Variants in ANKS3 observed in about 807,000 individuals in gnomAD.
ANKS3 encodes ankyrin repeat and SAM domain-containing protein 3.
A neutral mutation model predicts 80.7 loss-of-function variants in ANKS3; 62 were observed. The observed-to-expected ratio is 0.77, with a 90% CI of 0.63 to 0.95. The LOEUF is 0.95. Among genes scored for constraint, ANKS3 ranks in the 40% least tolerant of loss-of-function variants. The probability of loss-of-function intolerance (pLI) is 0.00; values close to 1 mark genes in which losing one functional copy is unlikely to be tolerated. For synonymous variants in ANKS3, 489 were observed against 355.3 expected (o/e 1.38, Z -4.23); for missense variants, 1,150 against 883.6 (o/e 1.30, Z -3.82).
rs760865384 is a variant in ANKS3, at chr16:4,702,259, G to C, written c.869-17C>G. ...GAGCCTGCTCTGTGTACAGAATGGGGCCCATAAGCCCAGGGAACTCCAAAG... is the reference window on the plus strand; with the variant it reads ...GAGCCTGCTCTGTGTACAGAATGGGCCCCATAAGCCCAGGGAACTCCAAAG... On this transcript the variant is annotated splice_polypyrimidine_tract_variant and intron_variant, in intron 8 of 17. Transcript: ENST00000304283. 4.7e-6 allele frequency: 7 copies of C among 1,499,154 alleles called. No individual in the cohort carries two copies. Among genetic ancestry groups the C allele is most frequent in the Admixed American group, 2.5e-5 (1 of 40,120 alleles). 92.9% of individuals were successfully genotyped at this position (1,499,154 alleles called of 1,614,324 possible).
At chr16:4,720,139 G>C (rs2081012471) in intron 6 of ANKS3, among the ~76,000 whole-genome samples, 1 of 124,912 alleles carries the variant, frequency 8.0e-6, no homozygotes, top group Non-Finnish European at 1.7e-5. Flanking sequence ...TCCAGCCTTG[G>C]GGACAGAGCA....
intron 6 of ANKS3, among the ~76,000 whole-genome samples, chr16:4,718,673 G>A (rs991259681): frequency 6.6e-6 from 1 of 152,208 alleles, no homozygotes; most frequent in African/African-American, 2.4e-5. Context: ...GGAGCTTCCA[G>A]GCAGGGCTTG....
Position 4,729,970 on chromosome 16 carries a change from G to T in ANKS3, c.170+10C>A, listed in dbSNP as rs201506682. On this transcript the variant is annotated intron_variant, in intron 3 of 17. Coordinates refer to ENST00000304283, the MANE Select transcript of ANKS3 (RefSeq NM_133450.4). ...CAAAATGTGAGAGGAAGTTCCCCGA[G>T]ATCTCTTACCGCTGCACACACTCCT... 1.3e-4 allele frequency: 197 copies of T among 1,461,276 alleles called. No individual in the cohort carries two copies. In the African/African-American group the frequency reaches 2.4e-3, roughly 18 times the overall value. The allele number at this position is 1,461,276 out of a possible 1,614,324, so 90.5% of individuals were successfully genotyped here. A position where few individuals can be genotyped will look rare whatever the true frequency, so the allele number is the denominator to read the frequency against.
Position 4,702,061 on chromosome 16 carries a change from CCTG to C in ANKS3, c.1009+38_1009+40del, listed in dbSNP as rs766855052. On this transcript the variant is annotated intron_variant, in intron 9 of 17. Coordinates refer to ENST00000304283, the MANE Select transcript of ANKS3 (RefSeq NM_133450.4). ...GGATGGGCACACAGGAGCTCCAGGACCTGCCTGAGCCACGGGCCGGATGGGTGG... is the reference window on the plus strand; with the variant it reads ...GGATGGGCACACAGGAGCTCCAGGACCCTGAGCCACGGGCCGGATGGGTGG... 3.3e-6 allele frequency: 5 copies of C among 1,537,032 alleles called. No homozygotes were observed. In the African/African-American group the frequency reaches 5.6e-5, roughly 17 times the overall value.
At chr16:4,707,211 G>A (rs1596373711) in intron 7 of ANKS3, among the ~76,000 whole-genome samples, 1 of 151,662 alleles carries the variant, frequency 6.6e-6, no homozygotes, top group Non-Finnish European at 1.5e-5. Context: ...CCACAAAAGA[G>A]CCAGGGCTGC....
chr16:4,730,792 C>T (rs918375070), intron 2 of ANKS3, among the ~76,000 whole-genome samples: 5 of 151,778 alleles, frequency 3.3e-5, no homozygotes, highest in East Asian at 1.9e-4. Flanking sequence ...GCGGAGGTTG[C>T]GGTGAGCCAA....
At position 4,696,905 on chromosome 16, in the gene ANKS3, A is replaced by G; in HGVS notation, c.*12-9T>C. ...TCACCCAACGTCAGATTCTGAAAGAAAAAGCCCCGGTGAGAAGGGAGGGGG... is the reference window on the plus strand; with the variant it reads ...TCACCCAACGTCAGATTCTGAAAGAGAAAGCCCCGGTGAGAAGGGAGGGGG... On this transcript the variant is annotated splice_polypyrimidine_tract_variant and intron_variant, in intron 17 of 17. Coordinates refer to ENST00000304283, the MANE Select transcript of ANKS3 (RefSeq NM_133450.4). 1 of 1,003,912 alleles carries G rather than the reference A, an allele frequency of 1.0e-6. No homozygotes were observed. Among genetic ancestry groups the G allele is most frequent in the Non-Finnish European group, 1.5e-6 (1 of 665,062 alleles). The allele number at this position is 1,003,912 out of a possible 1,614,324, so 62.2% of individuals were successfully genotyped here. A position where few individuals can be genotyped will look rare whatever the true frequency, so the allele number is the denominator to read the frequency against.
intron 15 of ANKS3, 35 bp downstream of exon 15, chr16:4,697,942 C>T (rs1480090301): frequency 6.6e-7 from 1 of 1,510,542 alleles, no homozygotes; most frequent in East Asian, 2.4e-5. Context: ...CCACCTTCCC[C>T]TCTGCCCAGT....
chr16:4,723,459 G>T (rs575630141), intron 6 of ANKS3, among the ~76,000 whole-genome samples: 1 of 152,170 alleles, frequency 6.6e-6, no homozygotes, highest in South Asian at 2.1e-4. Context: ...GATCCACTCT[G>T]TGACCCAGAA....
In ANKS3 at chr16:4,698,472, G is replaced by T; in HGVS notation, c.1679C>A (p.Thr560Lys). The T allele has an allele frequency of 6.5e-7, 1 of 1,547,530 alleles. No individual in the cohort carries two copies. The highest frequency in any genetic ancestry group is 8.7e-7 in the Non-Finnish European group (1 of 1,153,564). ...GGCAGCATCCCGGGCCAGGGCCCACGTCTCCCGCAGCCGGGCCTGGAGGTC... is the reference window on the plus strand; with the variant it reads ...GGCAGCATCCCGGGCCAGGGCCCACTTCTCCCGCAGCCGGGCCTGGAGGTC... ...REDLQARLRE[T>K]WALARDAALV... Residue 560 changes from threonine (T) to lysine (K), a missense_variant, in exon 14 of 18, where the codon ACG (threonine) becomes AAG (lysine). Physicochemically the swap from Thr to Lys is moderately conservative, Grantham distance 78. Transcript: ENST00000304283.
intron 8 of ANKS3, 112 bp from the exon 9 acceptor site, chr16:4,702,354 G>T: frequency 8.6e-7 from 1 of 1,158,774 alleles, no homozygotes; most frequent in Non-Finnish European, 1.1e-6. Context: ...TCACCTACTT[G>T]CCCCTGCGAC....
At chr16:4,701,266 C>T (rs576778362) in intron 10 of ANKS3, 132 bp from the exon 11 acceptor site, 22 of 1,440,764 alleles carry the variant, frequency 1.5e-5, no homozygotes, top group Admixed American at 4.0e-5. Context: ...GCTTCCGGTG[C>T]GTTCGCTGTC....
intron 11 of ANKS3, 96 bp downstream of exon 11, chr16:4,700,874 A>C: frequency 6.7e-7 from 1 of 1,495,186 alleles, no homozygotes; most frequent in Non-Finnish European, 9.2e-7. Context: ...CTGTTCTCCT[A>C]GCAGCGCCTG....
intron 2 of ANKS3, among the ~76,000 whole-genome samples, chr16:4,730,485 T>C (rs73506203): frequency 0.015 from 2,228 of 152,234 alleles, 56 homozygotes; most frequent in African/African-American, 0.051. Context: ...ACCTCTTGGA[T>C]GGGCAGTGAA....
rs547039184 is a variant in ANKS3, at chr16:4,731,511, C to T, written c.-3+1G>A. On this transcript the variant is annotated splice_donor_variant, in intron 2 of 17. Transcript: ENST00000304283. LOFTEE classifies it low-confidence loss of function (5UTR_SPLICE). ...GGCCAGGCTGGTCTCGAACTCCTCACCTCAGGTGATCCGCCCGCCTCAGCC... is the reference window on the plus strand; with the variant it reads ...GGCCAGGCTGGTCTCGAACTCCTCATCTCAGGTGATCCGCCCGCCTCAGCC... 9 of 458,856 alleles carry T rather than the reference C, an allele frequency of 2.0e-5. No individual in the cohort carries two copies. The highest frequency in any genetic ancestry group is 1.7e-4 in the African/African-American group (8 of 47,218). The allele number at this position is 458,856 out of a possible 1,614,324, so 28.4% of individuals were successfully genotyped here.
At chr16:4,700,406 G>A (rs144730870) in intron 11 of ANKS3, 1 of 198,440 alleles carries the variant, frequency 5.0e-6, no homozygotes, top group African/African-American at 2.4e-5. Flanking sequence ...GACAGTGCGA[G>A]ACTCCGTCTC....
intron 14 of ANKS3, 67 bp downstream of exon 14, chr16:4,698,359 TG>T: frequency 7.0e-7 from 1 of 1,430,700 alleles, no homozygotes; most frequent in African/African-American, 1.4e-5. Flanking sequence ...GGAAAGGATG[TG>T]TGGGGGCCCA....
intron 7 of ANKS3, among the ~76,000 whole-genome samples, chr16:4,706,518 T>A (rs1176723236): frequency 6.6e-6 from 1 of 152,170 alleles, no homozygotes; most frequent in Non-Finnish European, 1.5e-5. Context: ...ATCACAGGAG[T>A]GAGCCACAGC....
chr16:4,698,124 C>T lies in ANKS3; in HGVS notation c.1725-62G>A, dbSNP rs2079680450. On this transcript the variant is annotated intron_variant, in intron 14 of 17. Coordinates refer to ENST00000304283, the MANE Select transcript of ANKS3 (RefSeq NM_133450.4). ...GGCCTGGCCGCTGCAGAGCCCCCAC[C>T]TCAGACCTTCTAGGGGAGGGAGGGG... The T allele has an allele frequency of 6.6e-6, 10 of 1,509,076 alleles. No homozygotes were observed. The South Asian group carries it at 9.7e-5, about 15-fold the overall frequency. 93.5% of individuals were successfully genotyped at this position (1,509,076 alleles called of 1,614,324 possible). A position where few individuals can be genotyped will look rare whatever the true frequency, so the allele number is the denominator to read the frequency against.
Sources: allele counts gnomAD v4.1 joint callset (sites outside exome capture counted in the v4.1 genomes callset), GRCh38; gene constraint gnomAD v4.1.1; transcripts MANE v1.5; gene names NCBI Gene and HGNC (gene_info 2026-07-23, HGNC 2026-07-21).